ZNF827: variants seen among roughly 807,000 people sequenced by gnomAD.
ZNF827 encodes zinc finger protein 827.
In ZNF827, 13 loss-of-function variants were observed where a neutral mutation model predicts 102.4. The ratio of observed to expected loss-of-function variants is 0.13; its 90% CI spans 0.08 to 0.20. The LOEUF (loss-of-function observed/expected upper bound fraction) is 0.20, where lower values mean the gene tolerates loss of function less well. Ranked by LOEUF, ZNF827 falls within the 10% of genes least tolerant of loss-of-function variation. The probability of loss-of-function intolerance (pLI) is 1.00; values close to 1 mark genes in which losing one functional copy is unlikely to be tolerated. For synonymous variants in ZNF827, 523 were observed against 536.2 expected (o/e 0.98, Z 0.34); for missense variants, 1,103 against 1,344.4 (o/e 0.82, Z 2.81).
chr4:145,935,445 G>T (rs979180588), intron 1 of ZNF827, among the ~76,000 whole-genome samples: 6 of 152,154 alleles, frequency 3.9e-5, no homozygotes, highest in Non-Finnish European at 8.8e-5. Flanking sequence ...CCCAGAAATT[G>T]CAAAGTCCAA....
At chr4:145,913,425 C>CA (rs775706430) in intron 1 of ZNF827, among the ~76,000 whole-genome samples, 8,037 of 73,068 alleles carry the variant, frequency 0.11, 708 homozygotes, top group African/African-American at 0.17. Context: ...GACCCTGTCT[C>CA]AAAAAAAAAA....
intron 7 of ZNF827, among the ~76,000 whole-genome samples, chr4:145,844,504 A>ATG: frequency 6.6e-6 from 1 of 151,530 alleles, no homozygotes; most frequent in Admixed American, 6.6e-5. Flanking sequence ...ACATGGCGAA[A>ATG]CCCTGTCTTT....
chr4:145,878,316 G>A (rs1169770196), intron 4 of ZNF827, among the ~76,000 whole-genome samples: 1 of 152,142 alleles, frequency 6.6e-6, no homozygotes, highest in Non-Finnish European at 1.5e-5. Flanking sequence ...AACAACATGA[G>A]TAAAGGTAGA....
chr4:145,838,545 G>T lies in ZNF827; in HGVS notation c.2279+7411C>A, dbSNP rs183966354. ...CCATTGTTTATATTAACAATTTTTT[G>T]GGGGGGGACCCTTGATATTCAATAA... On this transcript the variant is annotated intron_variant, in intron 7 of 14. Coordinates refer to ENST00000508784, the MANE Select transcript of ZNF827 (RefSeq NM_001306215.2). Among the ~76,000 whole-genome samples the T allele has an allele frequency of 4.0e-3, 590 of 148,918 alleles. 4 individuals are homozygous for T. Among genetic ancestry groups the T allele is most frequent in the African/African-American group, 0.012 (445 of 38,666 alleles).
At chr4:145,796,625 T>TC (rs1202672834) in intron 8 of ZNF827, among the ~76,000 whole-genome samples, 3 of 97,126 alleles carry the variant, frequency 3.1e-5, no homozygotes, top group Admixed American at 1.2e-4. Context: ...TTGTTCCTCT[T>TC]TTTTTTTTTT....
At chr4:145,915,693 GC>G (rs1172112030) in intron 1 of ZNF827, among the ~76,000 whole-genome samples, 1 of 152,052 alleles carries the variant, frequency 6.6e-6, no homozygotes, top group Non-Finnish European at 1.5e-5. Flanking sequence ...CATCACAATA[GC>G]CCCAAAAGTC....
intron 8 of ZNF827, among the ~76,000 whole-genome samples, chr4:145,810,865 TC>T (rs1355144069): frequency 5.3e-5 from 8 of 152,206 alleles, no homozygotes; most frequent in Admixed American, 1.3e-4. Flanking sequence ...TGTATTTTTG[TC>T]CATATCCCTT....
In ZNF827 at chr4:145,765,716, G is replaced by A. The variant is rs140573202; in HGVS notation, c.2883C>T (p.Ser961=). The change falls in exon 12 of 15, where the codon AGC becomes AGT. Residue 961 remains serine, a synonymous_variant. Coordinates refer to ENST00000508784, the MANE Select transcript of ZNF827 (RefSeq NM_001306215.2). This position sits in a 1 kb window ranked among gnomAD's most constrained non-coding sequence, Gnocchi z 4.7. ...AGGATGAAGAGGGGCTATTTGATTC[G>A]CTGGGGGTCTTCCTGTCTTCCCCTG... ...KHTGEDRKTP[S]ESNSPSSSSL... The A allele has an allele frequency of 2.9e-5, 46 of 1,613,824 alleles. No homozygotes were observed. The African/African-American group carries it at 3.6e-4, about 13-fold the overall frequency.
At chr4:145,827,124 G>C (rs1217935175) in intron 7 of ZNF827, among the ~76,000 whole-genome samples, 4 of 152,194 alleles carry the variant, frequency 2.6e-5, no homozygotes, top group Non-Finnish European at 4.4e-5. Flanking sequence ...TACAGATGTG[G>C]AGACTTAGGC....
chr4:145,902,871 C>T lies in ZNF827; in HGVS notation c.388G>A (p.Gly130Ser). Residue 130 changes from glycine to serine, a missense_variant, in exon 2 of 15, where the codon GGT becomes AGT. Coordinates refer to ENST00000508784, the MANE Select transcript of ZNF827 (RefSeq NM_001306215.2). The surrounding 1 kb of genome is among the most constrained non-coding windows in gnomAD (Gnocchi z 4.3). ...SSNLRRLLEA[G>S]SLKLDAAATA... The stretch of plus-strand genomic sequence containing the variant: ...GCTGCAGCATCGAGTTTGAGGGAAC[C>T]AGCCTCCAGCAGCCGCCTCAAATTG... 6.2e-7 allele frequency: 1 copy of T among 1,614,132 alleles called. No individual in the cohort carries two copies.
chr4:145,777,577 T>C (rs1161713776), intron 9 of ZNF827, among the ~76,000 whole-genome samples: 2 of 152,244 alleles, frequency 1.3e-5, no homozygotes, highest in African/African-American at 4.8e-5. Flanking sequence ...TCTTAGAGCT[T>C]CATTATTCTC....
chr4:145,765,433 G>T lies in ZNF827; in HGVS notation c.3052+114C>A. 1 of 1,283,540 alleles carries T rather than the reference G, an allele frequency of 7.8e-7. No homozygotes were observed. The highest frequency in any genetic ancestry group is 1.1e-6 in the Non-Finnish European group (1 of 940,916). The allele number at this position is 1,283,540 out of a possible 1,614,324, so 79.5% of individuals were successfully genotyped here. ...ACCTTTAGGTGAGGCCCAGCATACTGCATCCTGGGCCTATTATCAGTTTTT... is the reference window on the plus strand; with the variant it reads ...ACCTTTAGGTGAGGCCCAGCATACTTCATCCTGGGCCTATTATCAGTTTTT... On this transcript the variant is annotated intron_variant, in intron 12 of 14. Coordinates refer to ENST00000508784, the MANE Select transcript of ZNF827 (RefSeq NM_001306215.2). The surrounding 1 kb of genome is among the most constrained non-coding windows in gnomAD (Gnocchi z 4.7).
intron 7 of ZNF827, among the ~76,000 whole-genome samples, chr4:145,836,415 A>G (rs1744845618): frequency 6.6e-6 from 1 of 152,110 alleles, no homozygotes; most frequent in Admixed American, 6.5e-5. Flanking sequence ...CTGCTTTAAT[A>G]CTTTTAGAGG....
chr4:145,905,439 G>A (rs1184596371), intron 1 of ZNF827, among the ~76,000 whole-genome samples: 2 of 152,126 alleles, frequency 1.3e-5, no homozygotes, highest in Non-Finnish European at 2.9e-5. Flanking sequence ...AAGTTATCAA[G>A]AAAATGTAAA....
In ZNF827 at chr4:145,774,691, G is replaced by A. The variant is rs1184561406; in HGVS notation, c.2694-19C>T. 2 of 1,608,636 alleles carry A rather than the reference G, an allele frequency of 1.2e-6. No homozygotes were observed. Among genetic ancestry groups the A allele is most frequent in the East Asian group, 2.2e-5 (1 of 44,756 alleles). The stretch of plus-strand genomic sequence containing the variant: ...GTGACAACTACATGAAAGGGTAAAA[G>A]AAAAGAGGGGGAGAGAAAAGGGTGA... On this transcript the variant is annotated intron_variant, in intron 10 of 14. Coordinates refer to ENST00000508784, the MANE Select transcript of ZNF827 (RefSeq NM_001306215.2).
Position 145,823,489 on chromosome 4 carries a change from T to A in ZNF827, c.2316A>T (p.Pro772=), listed in dbSNP as rs74731224. Residue 772 remains proline (P), a synonymous_variant, in exon 8 of 15, where the codon CCA becomes CCT. Coordinates refer to ENST00000508784, the MANE Select transcript of ZNF827 (RefSeq NM_001306215.2). The part of the protein sequence containing the change: ...FFSEDTFRQS[P]FTSNSKELLP... Reference sequence around the variant, plus strand: ...GCAGTTCTTTTGAATTGGAGGTGAATGGTGATTGTCTAAATGTGTCTTCTG... The same window carrying A: ...GCAGTTCTTTTGAATTGGAGGTGAAAGGTGATTGTCTAAATGTGTCTTCTG... 2,571 of 1,604,830 alleles carry A rather than the reference T, an allele frequency of 1.6e-3. 91 individuals carry two copies. The East Asian group carries it at 0.046, about 29-fold the overall frequency.
chr4:145,776,637 G>A (rs1473424216), intron 9 of ZNF827, among the ~76,000 whole-genome samples: 1 of 152,010 alleles, frequency 6.6e-6, no homozygotes, highest in Non-Finnish European at 1.5e-5. Context: ...TACCCCATGT[G>A]TCAGTCATGG....
chr4:145,810,160 G>A (rs776422795), intron 8 of ZNF827, among the ~76,000 whole-genome samples: 14 of 151,886 alleles, frequency 9.2e-5, no homozygotes, highest in African/African-American at 1.5e-4. Flanking sequence ...CATGCCCACC[G>A]TTTTACAAAT....
At chr4:145,821,560 C>G (rs1743146722) in intron 8 of ZNF827, among the ~76,000 whole-genome samples, 1 of 151,444 alleles carries the variant, frequency 6.6e-6, no homozygotes, top group South Asian at 2.1e-4. Flanking sequence ...CTTATTAAAA[C>G]AAAAAAAGTC....
Sources: allele counts gnomAD v4.1 joint callset (sites outside exome capture counted in the v4.1 genomes callset), GRCh38; gene constraint gnomAD v4.1.1; non-coding constraint Gnocchi (gnomAD v3.1); transcripts MANE v1.5; gene names NCBI Gene and HGNC (gene_info 2026-07-23, HGNC 2026-07-21).